The following PIK3CB variants were observed in gnomAD, a reference collection of about 807,000 sequenced individuals.
The protein encoded by PIK3CB is phosphatidylinositol 4,5-bisphosphate 3-kinase catalytic subunit beta isoform.
PIK3CB carries 39 observed loss-of-function variants against 136.8 expected under a neutral mutation model. The ratio of observed to expected loss-of-function variants is 0.29; its 90% CI spans 0.22 to 0.37. The LOEUF is 0.37. PIK3CB is among the 10% of genes least tolerant of loss of function. PIK3CB has a pLI of 1.00. For synonymous variants in PIK3CB, 428 were observed against 436.6 expected, an observed-to-expected ratio of 0.98 and a Z score of 0.25; for missense variants, 868 against 1,275.4, an observed-to-expected ratio of 0.68 and a Z score of 4.87.
chr3:138,829,585 A>C (rs1167464209), intron 1 of PIK3CB, among the ~76,000 whole-genome samples: 2 of 152,194 alleles, frequency 1.3e-5, no homozygotes, highest in East Asian at 3.8e-4. Flanking sequence ...TTTTACACTC[A>C]AACAGGATGG....
rs1469623144 is a variant in PIK3CB, at chr3:138,762,952, T to A, written c.-16-3593A>T. 3.3e-5 allele frequency among the ~76,000 whole-genome samples: 5 copies of A among 151,484 alleles called. No homozygotes were observed. In the East Asian group the frequency reaches 9.7e-4, roughly 29 times the overall value. On this transcript the variant is annotated intron_variant, in intron 2 of 23. Coordinates refer to ENST00000674063, the MANE Select transcript of PIK3CB (RefSeq NM_006219.3). Reference sequence around the variant, plus strand: ...TCCAGCCTGGGCAACAGAGTGAGAGTCTGCCTCAAAAAAAACAAAACAACA... The same window carrying A: ...TCCAGCCTGGGCAACAGAGTGAGAGACTGCCTCAAAAAAAACAAAACAACA...
At chr3:138,729,352 C>T (rs1309421398) in intron 8 of PIK3CB, among the ~76,000 whole-genome samples, 1 of 151,896 alleles carries the variant, frequency 6.6e-6, no homozygotes, top group Non-Finnish European at 1.5e-5. Flanking sequence ...ACAGGGTACC[C>T]TGGTATTTGG....
chr3:138,811,875 G>A (rs1933080781), intron 1 of PIK3CB, among the ~76,000 whole-genome samples: 2 of 152,048 alleles, frequency 1.3e-5, no homozygotes, highest in East Asian at 1.9e-4. Flanking sequence ...GATCACTGGA[G>A]CCCAGGAGTT....
intron 2 of PIK3CB, among the ~76,000 whole-genome samples, chr3:138,784,077 C>T (rs531020475): frequency 4.6e-5 from 7 of 152,272 alleles, no homozygotes; most frequent in African/African-American, 1.4e-4. Flanking sequence ...AATTGCATTA[C>T]TAGGTATAAT....
chr3:138,730,515 G>T (rs1477958621), intron 8 of PIK3CB, among the ~76,000 whole-genome samples: 1 of 152,116 alleles, frequency 6.6e-6, no homozygotes, highest in Non-Finnish European at 1.5e-5. Flanking sequence ...ATTCCCATTT[G>T]TTACTACGTA....
chr3:138,724,974 A>G (rs2044806255), intron 8 of PIK3CB, among the ~76,000 whole-genome samples: 1 of 151,112 alleles, frequency 6.6e-6, no homozygotes, highest in Admixed American at 6.6e-5. Context: ...TGTTCCAGGC[A>G]CTGAAAGAAG....
In PIK3CB at chr3:138,737,770, A is replaced by G. The variant is rs2045144073; in HGVS notation, c.738T>C (p.Tyr246=). The G allele has an allele frequency of 1.2e-6, 2 of 1,612,388 alleles. No homozygotes were observed. The highest frequency in any genetic ancestry group is 1.7e-5 in the Admixed American group (1 of 59,776). Residue 246 remains tyrosine, a synonymous_variant, in exon 6 of 24, where the codon TAT becomes TAC. Transcript: ENST00000674063. The stretch of plus-strand genomic sequence containing the variant: ...CTACTCTCCCGCTGACTTGCAACAC[A>G]TAATCATAGGGGCTAACTTCATCTT... ...GKEDEVSPYD[Y]VLQVSGRVEY...
At chr3:138,814,555 T>C (rs373247288) in intron 1 of PIK3CB, among the ~76,000 whole-genome samples, 1 of 152,186 alleles carries the variant, frequency 6.6e-6, no homozygotes, top group East Asian at 1.9e-4. Flanking sequence ...CTATTCTTTA[T>C]TCCTCTCTCC....
At chr3:138,778,623 C>A in intron 2 of PIK3CB, 1 of 208,272 alleles carries the variant, frequency 4.8e-6, no homozygotes, top group South Asian at 7.1e-5. Flanking sequence ...GAGGACCCCT[C>A]AAAGGCATCC....
intron 1 of PIK3CB, among the ~76,000 whole-genome samples, chr3:138,819,145 G>T (rs976998671): frequency 6.6e-6 from 1 of 152,092 alleles, no homozygotes; most frequent in South Asian, 2.1e-4. Flanking sequence ...TCTGGAGATC[G>T]AGACCATCCT....
chr3:138,779,246 C>T (rs1275988362), intron 2 of PIK3CB, among the ~76,000 whole-genome samples: 2 of 151,628 alleles, frequency 1.3e-5, no homozygotes, highest in Admixed American at 6.6e-5. Context: ...CCACCATGCC[C>T]GGCTAATTTT....
chr3:138,708,618 G>A (rs1033266998), intron 10 of PIK3CB, among the ~76,000 whole-genome samples: 7 of 143,012 alleles, frequency 4.9e-5, no homozygotes, highest in Admixed American at 1.4e-4. Flanking sequence ...TAATCTTCCT[G>A]TTTTTTTAGA....
At chr3:138,791,322 T>C (rs1426369757) in intron 2 of PIK3CB, among the ~76,000 whole-genome samples, 3 of 152,130 alleles carry the variant, frequency 2.0e-5, no homozygotes, top group African/African-American at 4.8e-5. Flanking sequence ...TTTACATTTT[T>C]TGTAGTGATG....
In PIK3CB at chr3:138,734,816, A is replaced by G; in HGVS notation, c.802-12T>C. The G allele has an allele frequency of 6.4e-7, 1 of 1,566,504 alleles. No individual in the cohort carries two copies. Among genetic ancestry groups the G allele is most frequent in the Non-Finnish European group, 8.7e-7 (1 of 1,153,372 alleles). ...CAGTTCCGGATATACTATAGGGGCA[A>G]GAAAGGGGAAGGTATTGATTTTCAT... On this transcript the variant is annotated splice_polypyrimidine_tract_variant and intron_variant, in intron 6 of 23. Coordinates refer to ENST00000674063, the MANE Select transcript of PIK3CB (RefSeq NM_006219.3).
At chr3:138,814,400 G>C (rs959267881) in intron 1 of PIK3CB, among the ~76,000 whole-genome samples, 4 of 151,220 alleles carry the variant, frequency 2.6e-5, no homozygotes, top group Admixed American at 2.6e-4. Flanking sequence ...ATCACTTGAA[G>C]CCAGGAGGTG....
intron 4 of PIK3CB, among the ~76,000 whole-genome samples, chr3:138,754,477 A>G (rs1314854680): frequency 6.6e-6 from 1 of 152,080 alleles, no homozygotes; most frequent in African/African-American, 2.4e-5. Context: ...AACAAACAAA[A>G]CAAAACACAC....
At chr3:138,785,958 T>G (rs554438351) in intron 2 of PIK3CB, among the ~76,000 whole-genome samples, 23 of 152,158 alleles carry the variant, frequency 1.5e-4, no homozygotes, top group Admixed American at 5.9e-4. Flanking sequence ...AATAATAGTT[T>G]ACAATAGGAA....
intron 21 of PIK3CB, among the ~76,000 whole-genome samples, chr3:138,662,720 T>C: frequency 6.6e-6 from 1 of 151,822 alleles, no homozygotes; most frequent in Non-Finnish European, 1.5e-5. Context: ...TAGTTTACAG[T>C]CCCACCAACA....
At chr3:138,770,722 TTTG>T (rs1225275856) in intron 2 of PIK3CB, among the ~76,000 whole-genome samples, 1 of 152,180 alleles carries the variant, frequency 6.6e-6, no homozygotes, top group African/African-American at 2.4e-5. Context: ...TGTTTTTGTT[TTTG>T]TTTTGAGACT....
Sources: allele counts gnomAD v4.1 joint callset (sites outside exome capture counted in the v4.1 genomes callset), GRCh38; gene constraint gnomAD v4.1.1; transcripts MANE v1.5; gene names NCBI Gene and HGNC (gene_info 2026-07-23, HGNC 2026-07-21).